WWC1: variants seen among roughly 807,000 people sequenced by gnomAD.
WWC1 encodes the protein protein KIBRA.
In WWC1, 55 loss-of-function variants were observed where a neutral mutation model predicts 138.4. The observed-to-expected ratio is 0.40, with a 90% CI of 0.32 to 0.50. The LOEUF is 0.50. Among genes scored for constraint, WWC1 ranks in the 20% least tolerant of loss-of-function variants. The probability of loss-of-function intolerance (pLI) is 0.72; values close to 1 mark genes in which losing one functional copy is unlikely to be tolerated. For synonymous variants in WWC1, 524 were observed against 564.9 expected (o/e 0.93, Z 1.03); for missense variants, 1,226 against 1,420.4 (o/e 0.86, Z 2.20).
intron 1 of WWC1, among the ~76,000 whole-genome samples, chr5:168,297,725 TTC>T (rs1769677532): frequency 6.6e-6 from 1 of 152,082 alleles, no homozygotes; most frequent in African/African-American, 2.4e-5. Flanking sequence ...TAGTAAAAGT[TTC>T]TTTTTTCTCT....
chr5:168,323,912 A>G (rs1015102580), intron 1 of WWC1, among the ~76,000 whole-genome samples: 9 of 152,212 alleles, frequency 5.9e-5, no homozygotes, highest in Non-Finnish European at 1.3e-4. Context: ...GGAATTACAT[A>G]CAGGAGAACA....
At chr5:168,341,008 G>C (rs184816478) in intron 1 of WWC1, among the ~76,000 whole-genome samples, 27 of 152,302 alleles carry the variant, frequency 1.8e-4, no homozygotes, top group African/African-American at 6.3e-4. Context: ...TACCTCTCCT[G>C]AACGCTTCCT....
intron 20 of WWC1, among the ~76,000 whole-genome samples, chr5:168,463,122 A>G (rs976887869): frequency 6.6e-6 from 1 of 152,188 alleles, no homozygotes; most frequent in African/African-American, 2.4e-5. Flanking sequence ...ATTGCTGCAT[A>G]ATAAATCACC....
At chr5:168,403,988 C>T (rs1779592377) in intron 5 of WWC1, among the ~76,000 whole-genome samples, 1 of 152,078 alleles carries the variant, frequency 6.6e-6, no homozygotes, top group Admixed American at 6.6e-5. Flanking sequence ...CCGACCCCCT[C>T]CCCACCCAGC....
intron 15 of WWC1, among the ~76,000 whole-genome samples, chr5:168,434,948 C>G (rs1782240410): frequency 6.6e-6 from 1 of 152,164 alleles, no homozygotes; most frequent in African/African-American, 2.4e-5. Context: ...CTTGGCAAAA[C>G]CCAGCCCTGT....
intron 1 of WWC1, among the ~76,000 whole-genome samples, chr5:168,297,672 A>C (rs1042920153): frequency 1.3e-5 from 2 of 151,582 alleles, no homozygotes; most frequent in South Asian, 2.1e-4. Flanking sequence ...GAGACAAGTG[A>C]CTTGCCCAAG....
chr5:168,439,318 C>A (rs778147941), intron 15 of WWC1, among the ~76,000 whole-genome samples: 10 of 151,954 alleles, frequency 6.6e-5, no homozygotes, highest in Non-Finnish European at 1.5e-4. Context: ...TGTTGCTGGA[C>A]CTTTGGGTCA....
rs955853457 is a variant in WWC1, at chr5:168,292,597, G to T, written c.119+326G>T. On this transcript the variant is annotated intron_variant, in intron 1 of 22. Transcript: ENST00000265293. The surrounding 1 kb of genome is among the most constrained non-coding windows in gnomAD (Gnocchi z 4.4). ...CCCGCCCCCTTTAGGAAGAGAGGTCGGGCGGGGGCGGGGGTTGGGGGAGCG... is the reference window on the plus strand; with the variant it reads ...CCCGCCCCCTTTAGGAAGAGAGGTCTGGCGGGGGCGGGGGTTGGGGGAGCG... Among the ~76,000 whole-genome samples, 38 of 152,194 alleles carry T rather than the reference G, an allele frequency of 2.5e-4. No homozygotes were observed. Among genetic ancestry groups the T allele is most frequent in the Middle Eastern group, 3.4e-3 (1 of 294 alleles).
chr5:168,396,550 G>A lies in WWC1; in HGVS notation c.434-1174G>A, dbSNP rs367876712. 3.9e-5 allele frequency among the ~76,000 whole-genome samples: 6 copies of A among 152,194 alleles called. No individual in the cohort carries two copies. The South Asian group carries it at 8.3e-4, about 21-fold the overall frequency. ...AGGAGAAATACTTCTCTGGCCTCCC[G>A]ACCAAGAATAACTGTTCTTTTCTGA... On this transcript the variant is annotated intron_variant, in intron 3 of 22. Transcript: ENST00000265293.
At chr5:168,311,384 C>T (rs1771064398) in intron 1 of WWC1, among the ~76,000 whole-genome samples, 1 of 152,164 alleles carries the variant, frequency 6.6e-6, no homozygotes, top group South Asian at 2.1e-4. Context: ...CGGGCTGCAA[C>T]AGGGAGGTGT....
intron 2 of WWC1, among the ~76,000 whole-genome samples, chr5:168,374,974 T>A (rs1777057684): frequency 6.6e-6 from 1 of 152,158 alleles, no homozygotes; most frequent in Non-Finnish European, 1.5e-5. Context: ...GGAGTTGCTA[T>A]CAACCAAGTG....
chr5:168,327,358 G>T (rs1157187694), intron 1 of WWC1, among the ~76,000 whole-genome samples: 2 of 152,130 alleles, frequency 1.3e-5, no homozygotes, highest in Admixed American at 6.5e-5. Flanking sequence ...ATGCTGACTC[G>T]CTCGGATAGT....
At chr5:168,363,432 G>GA (rs1776032514) in intron 1 of WWC1, among the ~76,000 whole-genome samples, 1 of 134,720 alleles carries the variant, frequency 7.4e-6, no homozygotes, top group South Asian at 2.4e-4. Flanking sequence ...GCTGAGGCAG[G>GA]AAAATCACTT....
chr5:168,324,956 C>A (rs1032854592), intron 1 of WWC1, among the ~76,000 whole-genome samples: 1 of 152,146 alleles, frequency 6.6e-6, no homozygotes, highest in African/African-American at 2.4e-5. Flanking sequence ...AATGTGTAGA[C>A]ACCTAGTAGC....
At chr5:168,463,619 C>T (rs759615449) in intron 20 of WWC1, among the ~76,000 whole-genome samples, 2 of 152,082 alleles carry the variant, frequency 1.3e-5, no homozygotes, top group Admixed American at 6.6e-5. Flanking sequence ...GTTTTTTAAT[C>T]GTTAGTGATT....
intron 3 of WWC1, among the ~76,000 whole-genome samples, chr5:168,389,382 C>T (rs945937871): frequency 1.3e-5 from 2 of 148,658 alleles, no homozygotes; most frequent in Non-Finnish European, 3.0e-5. Context: ...ACCCAGGAGA[C>T]GGAGGTTGCA....
At chr5:168,372,979 C>T (rs191863629) in intron 2 of WWC1, among the ~76,000 whole-genome samples, 23 of 152,286 alleles carry the variant, frequency 1.5e-4, no homozygotes, top group Admixed American at 3.9e-4. Context: ...GTTGTTGGCA[C>T]CAAAGTGTAG....
At chr5:168,418,976 C>G (rs1247599986) in intron 9 of WWC1, among the ~76,000 whole-genome samples, 1 of 152,162 alleles carries the variant, frequency 6.6e-6, no homozygotes, top group Non-Finnish European at 1.5e-5. Flanking sequence ...CATGCCAAGG[C>G]CACTCTGCCT....
intron 1 of WWC1, among the ~76,000 whole-genome samples, chr5:168,355,196 A>G (rs1775299989): frequency 6.6e-6 from 1 of 152,152 alleles, no homozygotes; most frequent in Non-Finnish European, 1.5e-5. Context: ...GAAGGCCTCT[A>G]AAAAACAGCA....
Sources: allele counts gnomAD v4.1 joint callset (sites outside exome capture counted in the v4.1 genomes callset), GRCh38; gene constraint gnomAD v4.1.1; non-coding constraint Gnocchi (gnomAD v3.1); transcripts MANE v1.5; gene names NCBI Gene and HGNC (gene_info 2026-07-23, HGNC 2026-07-21).